Variants in CFAP54 observed in about 807,000 individuals in gnomAD.
CFAP54 encodes the protein cilia- and flagella-associated protein 54.
CFAP54 carries 290 observed loss-of-function variants against 370.4 expected under a neutral mutation model. That is an observed-to-expected ratio of 0.78 (90% CI 0.71 to 0.86). The LOEUF (loss-of-function observed/expected upper bound fraction) is 0.86, where lower values mean the gene tolerates loss of function less well. Among genes scored for constraint, CFAP54 ranks in the 40% least tolerant of loss-of-function variants. CFAP54 has a pLI of 0.00. For missense variants in CFAP54, 3,399 were observed against 3,528.7 expected (o/e 0.96, Z 0.93); for synonymous variants, 1,206 against 1,236.5 (o/e 0.98, Z 0.52).
rs1430700827 is a variant in CFAP54, at chr12:96,628,940, AT to A, written c.4104-1152del. ...AGAAATATAAATTCAAAAAAAAAAA[AT>A]AGAAATTTCAGGAAAAATAGGCAAG... On this transcript the variant is annotated intron_variant, in intron 30 of 67. Transcript: ENST00000524981. Among the ~76,000 whole-genome samples, 464 of 149,016 alleles carry A rather than the reference AT, an allele frequency of 3.1e-3. 3 individuals carry two copies. The highest frequency in any genetic ancestry group is 0.01 in the African/African-American group (423 of 40,482).
In CFAP54 at chr12:96,596,198, T is replaced by C. The variant is rs188373206; in HGVS notation, c.3516+1752T>C. 4.1e-4 allele frequency among the ~76,000 whole-genome samples: 63 copies of C among 152,312 alleles called. 1 individual carries two copies. Among genetic ancestry groups the C allele is most frequent in the African/African-American group, 1.5e-3 (62 of 41,580 alleles). On this transcript the variant is annotated intron_variant, in intron 25 of 67. Coordinates refer to ENST00000524981, the MANE Select transcript of CFAP54 (RefSeq NM_001306084.2). Reference sequence around the variant, plus strand: ...TCAATGCATACCTTTTAATATGTGTTAGCTTAGCAAAGATACCACATTGGG... The same window carrying C: ...TCAATGCATACCTTTTAATATGTGTCAGCTTAGCAAAGATACCACATTGGG...
At chr12:96,548,477 T>C (rs1249078562) in intron 15 of CFAP54, among the ~76,000 whole-genome samples, 3 of 152,202 alleles carry the variant, frequency 2.0e-5, no homozygotes, top group Non-Finnish European at 4.4e-5. Flanking sequence ...ATCTATTCTC[T>C]TCCATACTTG....
rs1230402547 is a variant in CFAP54 at position 96,598,760 on chromosome 12, T to C, written c.3632T>C (p.Ile1211Thr). Reference protein sequence around the residue: ...QHMIACCIFYITKILRSWREY... With the variant: ...QHMIACCIFYTTKILRSWREY... ...ATGATAGCTTGTTGTATTTTCTACA[T>C]AACAAAGGTATTTATCTCATTCTTT... The change falls in exon 26 of 68, where the codon ATA (isoleucine) becomes ACA (threonine). Residue 1211 changes from isoleucine (I) to threonine (T), a missense_variant. Coordinates refer to ENST00000524981, the MANE Select transcript of CFAP54 (RefSeq NM_001306084.2). 2 of 617,118 alleles carry C rather than the reference T, an allele frequency of 3.2e-6. No individual in the cohort carries two copies. Among genetic ancestry groups the C allele is most frequent in the South Asian group, 2.0e-5 (1 of 49,438 alleles). The allele number at this position is 617,118 out of a possible 1,614,324, so 38.2% of individuals were successfully genotyped here. A position where few individuals can be genotyped will look rare whatever the true frequency, so the allele number is the denominator to read the frequency against.
chr12:96,573,688 G>A (rs972864449), intron 19 of CFAP54, among the ~76,000 whole-genome samples: 1 of 152,132 alleles, frequency 6.6e-6, no homozygotes, highest in Non-Finnish European at 1.5e-5. Context: ...AAAAAGTGGA[G>A]GCAATGGAGG....
At position 96,753,847 on chromosome 12, in the gene CFAP54, A is replaced by G; in HGVS notation, c.7789A>G (p.Thr2597Ala). ...TGATGTGGCACTGAAGCTCTGTAGA[A>G]CAACAGCAGTGGAGGAACATGAGGT... Reference protein sequence around the residue: ...LFDVALKLCRTTAVEEHEVEA... With the variant: ...LFDVALKLCRATAVEEHEVEA... The change falls in exon 56 of 68, where the codon ACA becomes GCA. Residue 2597 changes from threonine (T) to alanine (A), a missense_variant. Coordinates refer to ENST00000524981, the MANE Select transcript of CFAP54 (RefSeq NM_001306084.2). 6.2e-7 allele frequency: 1 copy of G among 1,614,026 alleles called. No individual in the cohort carries two copies. Among genetic ancestry groups the G allele is most frequent in the Non-Finnish European group, 8.5e-7 (1 of 1,179,934 alleles).
At chr12:96,860,422 C>T (rs1959850103) in intron 66 of CFAP54, among the ~76,000 whole-genome samples, 1 of 152,196 alleles carries the variant, frequency 6.6e-6, no homozygotes, top group Non-Finnish European at 1.5e-5. Context: ...TTTAGATACA[C>T]TGATCTCCAA....
chr12:96,824,512 A>T (rs2136746450), intron 65 of CFAP54, among the ~76,000 whole-genome samples: 1 of 152,290 alleles, frequency 6.6e-6, no homozygotes, highest in East Asian at 1.9e-4. Context: ...GACAGAAAGC[A>T]TACCTTACCT....
intron 14 of CFAP54, among the ~76,000 whole-genome samples, chr12:96,541,506 G>A (rs188542982): frequency 3.9e-5 from 6 of 152,128 alleles, no homozygotes; most frequent in Non-Finnish European, 5.9e-5. Flanking sequence ...CACTGCTTTC[G>A]AACTTCTGAC....
chr12:96,830,056 A>G (rs1246093819), intron 66 of CFAP54, among the ~76,000 whole-genome samples: 1 of 152,098 alleles, frequency 6.6e-6, no homozygotes, highest in Admixed American at 6.6e-5. Context: ...CTAGTATTTT[A>G]TTCCTTCTTA....
chr12:96,839,208 A>C (rs1565998579), intron 66 of CFAP54, among the ~76,000 whole-genome samples: 1 of 152,126 alleles, frequency 6.6e-6, no homozygotes, highest in Non-Finnish European at 1.5e-5. Flanking sequence ...CAATGCTTTG[A>C]TCTCTCTGTT....
intron 63 of CFAP54, among the ~76,000 whole-genome samples, chr12:96,802,827 CT>C (rs1273574172): frequency 1.3e-5 from 2 of 152,060 alleles, no homozygotes; most frequent in Non-Finnish European, 2.9e-5. Context: ...CTCCCTCCCC[CT>C]GCTCCCTACC....
chr12:96,759,160 A>G (rs1958303818), intron 58 of CFAP54, among the ~76,000 whole-genome samples: 1 of 151,868 alleles, frequency 6.6e-6, no homozygotes, highest in Non-Finnish European at 1.5e-5. Flanking sequence ...CTTACCAATT[A>G]TTCATATGGC....
chr12:96,872,750 G>T (rs1169423117), intron 67 of CFAP54, among the ~76,000 whole-genome samples: 1 of 152,054 alleles, frequency 6.6e-6, no homozygotes, highest in East Asian at 1.9e-4. Context: ...ATTGATGTGG[G>T]GTAGCTTTGA....
intron 66 of CFAP54, among the ~76,000 whole-genome samples, chr12:96,852,488 CCTTA>C (rs367745633): frequency 2.0e-5 from 3 of 151,960 alleles, no homozygotes; most frequent in African/African-American, 4.8e-5. Flanking sequence ...GCACCTCAAC[CCTTA>C]CTTTACAGAA....
intron 6 of CFAP54, among the ~76,000 whole-genome samples, chr12:96,519,896 C>T (rs919531251): frequency 2.0e-5 from 3 of 152,218 alleles, no homozygotes; most frequent in Non-Finnish European, 4.4e-5. Flanking sequence ...GTCTTTCCAT[C>T]CTCACTTTGC....
At chr12:96,823,130 G>T (rs1283350266) in intron 65 of CFAP54, among the ~76,000 whole-genome samples, 1 of 137,018 alleles carries the variant, frequency 7.3e-6, no homozygotes, top group East Asian at 2.1e-4. Context: ...GTCTGTGTGT[G>T]TGTGTGTCTG....
chr12:96,534,442 G>A (rs1169663557), intron 11 of CFAP54, among the ~76,000 whole-genome samples: 1 of 152,146 alleles, frequency 6.6e-6, no homozygotes, highest in East Asian at 1.9e-4. Context: ...GCTAGATGAT[G>A]TAGTTCCTGG....
intron 48 of CFAP54, among the ~76,000 whole-genome samples, chr12:96,715,050 C>A (rs1039842689): frequency 2.0e-5 from 3 of 152,092 alleles, no homozygotes; most frequent in Non-Finnish European, 4.4e-5. Context: ...GGTATGTTTG[C>A]AAGTTATTTG....
At position 96,651,823 on chromosome 12, in the gene CFAP54, C is replaced by T. The variant is rs745747437; in HGVS notation, c.5100+8C>T. ...AATACCAGTTCTATTAAGGTAAAGACACTTTGGTAATTATTTTTATTATAT... is the reference window on the plus strand; with the variant it reads ...AATACCAGTTCTATTAAGGTAAAGATACTTTGGTAATTATTTTTATTATAT... On this transcript the variant is annotated splice_region_variant and intron_variant, in intron 36 of 67. Coordinates refer to ENST00000524981, the MANE Select transcript of CFAP54 (RefSeq NM_001306084.2). 4.0e-6 allele frequency: 6 copies of T among 1,502,168 alleles called. No individual in the cohort carries two copies. The highest frequency in any genetic ancestry group is 3.4e-5 in the Admixed American group (2 of 58,384). The allele number at this position is 1,502,168 out of a possible 1,614,324, so 93.1% of individuals were successfully genotyped here.
Sources: gnomAD v4.1 joint callset for allele counts (sites outside exome capture counted in the v4.1 genomes callset) on GRCh38, gnomAD v4.1.1 for gene constraint, MANE v1.5 for transcripts, NCBI Gene and HGNC (gene_info 2026-07-23, HGNC 2026-07-21) for gene names.